INTS1: variants seen among roughly 807,000 people sequenced by gnomAD.
INTS1 encodes the protein integrator complex subunit 1.
Under a neutral mutation model 241.6 loss-of-function variants are expected in INTS1, and 137 were observed. The observed-to-expected ratio is 0.57, with a 90% confidence interval of 0.49 to 0.65. INTS1 has a LOEUF of 0.65. INTS1 is among the 30% of genes least tolerant of loss of function. The pLI is 0.00. For missense variants in INTS1, 3,073 were observed against 3,032.2 expected (o/e 1.01, Z -0.32); for synonymous variants, 1,692 against 1,337.8 (o/e 1.26, Z -5.78).
Position 1,503,178 on chromosome 7 carries a change from T to C in INTS1, c.72A>G (p.Pro24=), listed in dbSNP as rs3752715. ...TTGAGCCCAGAGCAATGAAGTCTCCTGGGGGAGGGTGCCCTGCAGAGAAAG... is the reference window on the plus strand; with the variant it reads ...TTGAGCCCAGAGCAATGAAGTCTCCCGGGGGAGGGTGCCCTGCAGAGAAAG... The part of the protein sequence containing the change: ...AAAKPSGHPP[P]GDFIALGSKG... The change falls in exon 3 of 48, where the codon CCA becomes CCG. Residue 24 remains proline (P), a synonymous_variant. Coordinates refer to ENST00000404767, the MANE Select transcript of INTS1 (RefSeq NM_001080453.3). The C allele has an allele frequency of 0.44, 679,767 of 1,533,910 alleles. 156,430 individuals are homozygous for C. The highest frequency in any genetic ancestry group is 0.72 in the East Asian group (31,647 of 44,012).
chr7:1,479,268 G>A (rs545454741), intron 31 of INTS1, among the ~76,000 whole-genome samples, 162 bp downstream of exon 31: 83 of 152,352 alleles, frequency 5.4e-4, no homozygotes, highest in Non-Finnish European at 1.1e-3. Flanking sequence ...ATGTTCACTG[G>A]AAAAAGGGGA....
In INTS1 at chr7:1,474,238, G is replaced by T. The variant is rs377362241; in HGVS notation, c.5759C>A (p.Pro1920Gln). ...CTGGTGCTCGCTGCGGAACACGTGCGGCTGCAGCAGCTCCAGCAGGCCCAG... is the reference window on the plus strand; with the variant it reads ...CTGGTGCTCGCTGCGGAACACGTGCTGCTGCAGCAGCTCCAGCAGGCCCAG... ...HVLGLLELLQ[P>Q]HVFRSEHQGA... Residue 1920 changes from proline (P) to glutamine (Q), a missense_variant, in exon 41 of 48, where the codon CCG (proline) becomes CAG (glutamine). Coordinates refer to ENST00000404767, the MANE Select transcript of INTS1 (RefSeq NM_001080453.3). 251 of 1,603,232 alleles carry T rather than the reference G, an allele frequency of 1.6e-4. No homozygotes were observed. The highest frequency in any genetic ancestry group is 2.1e-4 in the Non-Finnish European group (242 of 1,176,694).
In INTS1 at chr7:1,472,180, A is replaced by G. The variant is rs929953861; in HGVS notation, c.6184+93T>C. Reference sequence around the variant, plus strand: ...GCCCAGCGTGGGCCAGGCTCACGCCAAAGTCAGTGCCCAAATGGCTACTGG... The same window carrying G: ...GCCCAGCGTGGGCCAGGCTCACGCCGAAGTCAGTGCCCAAATGGCTACTGG... On this transcript the variant is annotated intron_variant, in intron 44 of 47. Coordinates refer to ENST00000404767, the MANE Select transcript of INTS1 (RefSeq NM_001080453.3). 1.9e-5 allele frequency: 19 copies of G among 974,446 alleles called. No homozygotes were observed. The Admixed American group carries it at 2.6e-4, about 13-fold the overall frequency. 60.4% of individuals were successfully genotyped at this position (974,446 alleles called of 1,614,324 possible).
intron 3 of INTS1, 29 bp from the exon 4 acceptor site, chr7:1,500,395 C>T (rs554333447): frequency 1.3e-5 from 20 of 1,523,122 alleles, no homozygotes; most frequent in South Asian, 3.6e-5. Flanking sequence ...ACGGTCAGAA[C>T]GGGGCCAGGG....
Position 1,497,405 on chromosome 7 carries a change from G to C in INTS1, c.1426-91C>G, listed in dbSNP as rs377475792. 1.1e-5 allele frequency: 15 copies of C among 1,369,444 alleles called. No individual in the cohort carries two copies. The highest frequency in any genetic ancestry group is 1.4e-5 in the South Asian group (1 of 69,894). 84.8% of individuals were successfully genotyped at this position (1,369,444 alleles called of 1,614,324 possible). A position where few individuals can be genotyped will look rare whatever the true frequency, so the allele number is the denominator to read the frequency against. ...CGCAGCACCAACAGGTATGGCGCCCGAGGGCGCTGCAGTGGGTCTCAGACA... is the reference window on the plus strand; with the variant it reads ...CGCAGCACCAACAGGTATGGCGCCCCAGGGCGCTGCAGTGGGTCTCAGACA... On this transcript the variant is annotated intron_variant, in intron 10 of 47. Transcript: ENST00000404767. This position sits in a 1 kb window ranked among gnomAD's most constrained non-coding sequence, Gnocchi z 5.3.
chr7:1,474,880 C>T, intron 39 of INTS1, 42 bp from the exon 40 acceptor site: 1 of 1,541,050 alleles, frequency 6.5e-7, no homozygotes, highest in Non-Finnish European at 8.8e-7. Context: ...GCTGGCTCCC[C>T]TCACTTGCCC....
At position 1,472,190 on chromosome 7, in the gene INTS1, C is replaced by A. The variant is rs569360683; in HGVS notation, c.6184+83G>T. On this transcript the variant is annotated intron_variant, in intron 44 of 47. Transcript: ENST00000404767. ...GGCCAGGCTCACGCCAAAGTCAGTGCCCAAATGGCTACTGGCTGCTGCCCG... is the reference window on the plus strand; with the variant it reads ...GGCCAGGCTCACGCCAAAGTCAGTGACCAAATGGCTACTGGCTGCTGCCCG... 1.6e-4 allele frequency: 167 copies of A among 1,068,012 alleles called. 4 individuals carry two copies. The South Asian group carries it at 2.2e-3, about 14-fold the overall frequency. The allele number at this position is 1,068,012 out of a possible 1,614,324, so 66.2% of individuals were successfully genotyped here.
intron 10 of INTS1, 160 bp downstream of exon 10, chr7:1,498,252 C>T (rs1448288440): frequency 2.6e-5 from 30 of 1,134,272 alleles, no homozygotes; most frequent in Non-Finnish European, 3.2e-5. Flanking sequence ...AACGGCTCAA[C>T]CTCATGCCCA....
Position 1,499,257 on chromosome 7 carries a change from G to C in INTS1, c.948C>G (p.Pro316=). 1 of 1,609,602 alleles carries C rather than the reference G, an allele frequency of 6.2e-7. No homozygotes were observed. The highest frequency in any genetic ancestry group is 8.5e-7 in the Non-Finnish European group (1 of 1,179,016). The change falls in exon 7 of 48, where the codon CCC becomes CCG. Residue 316 remains proline (P), a splice_region_variant and synonymous_variant. Transcript: ENST00000404767. The part of the protein sequence containing the change: ...LSPEQEGQLM[P]RYEELAESVE... Reference sequence around the variant, plus strand: ...GGACCGGGCAGGCACGCAGCTACCTGGGCATGAGCTGGCCCTCCTGCTCGG... The same window carrying C: ...GGACCGGGCAGGCACGCAGCTACCTCGGCATGAGCTGGCCCTCCTGCTCGG...
At chr7:1,502,499 G>A (rs1251053639) in intron 3 of INTS1, among the ~76,000 whole-genome samples, 1 of 152,164 alleles carries the variant, frequency 6.6e-6, no homozygotes, top group African/African-American at 2.4e-5. Context: ...AGGGAAGGAG[G>A]AACCAAGTAC....
intron 8 of INTS1, 28 bp downstream of exon 8, chr7:1,498,947 C>CCCCCCCCCCCCCCCCCGGGGG: frequency 7.5e-7 from 1 of 1,339,470 alleles, no homozygotes; most frequent in Non-Finnish European, 1.0e-6. Flanking sequence ...CCCCCTGCCC[C>CCCCCCCCCCCCCCCCCGGGGG]GCCCACCCCC....
chr7:1,503,940 G>C lies in INTS1; in HGVS notation c.21C>G (p.Thr7=), dbSNP rs778975028. 20 of 1,570,198 alleles carry C rather than the reference G, an allele frequency of 1.3e-5. No individual in the cohort carries two copies. Among genetic ancestry groups the C allele is most frequent in the Non-Finnish European group, 1.7e-5 (20 of 1,158,438 alleles). The change falls in exon 2 of 48, where the codon ACC becomes ACG. Residue 7 remains threonine, a synonymous_variant. Transcript: ENST00000404767. MNRAKP[T]TVRRPSAAAK... is the part of the protein sequence containing the mutation. The stretch of plus-strand genomic sequence containing the variant: ...CCGCGGCGCTGGGCCGGCGCACCGT[G>C]GTGGGCTTGGCCCGGTTCATCCTGC...
At chr7:1,483,356 G>C (rs1243081307) in intron 26 of INTS1, 1 of 355,190 alleles carries the variant, frequency 2.8e-6, no homozygotes, top group African/African-American at 2.1e-5. Flanking sequence ...GGGCCCCGGG[G>C]AGAGGACCCA....
intron 39 of INTS1, among the ~76,000 whole-genome samples, chr7:1,475,320 G>A (rs1781660832): frequency 6.6e-6 from 1 of 152,246 alleles, no homozygotes; most frequent in East Asian, 1.9e-4. Context: ...AGGGGGTTGA[G>A]GCTGCAGTGA....
Position 1,473,573 on chromosome 7 carries a change from G to C in INTS1, c.5950C>G (p.Pro1984Ala). The part of the protein sequence containing the change: ...AISFLQKHAD[P>A]LHDLSFDNSD... ...CAGCCCGTGGGCACTCACTGGAGCG[G>C]GTCGGCGTGCTTCTGCAGGAAGGAG... is the stretch of plus-strand genomic sequence containing the variant. The change falls in exon 42 of 48, where the codon CCG (proline) becomes GCG (alanine). Residue 1984 changes from proline to alanine, a missense_variant. By Grantham distance (27) the Pro-to-Ala change is conservative (BLOSUM62 -1). Transcript: ENST00000404767. The C allele has an allele frequency of 6.3e-7, 1 of 1,593,102 alleles. No individual in the cohort carries two copies. The highest frequency in any genetic ancestry group is 8.5e-7 in the Non-Finnish European group (1 of 1,170,554).
At position 1,481,697 on chromosome 7, in the gene INTS1, C is replaced by T. The variant is rs1782007314; in HGVS notation, c.3704-209G>A. 6.7e-6 allele frequency among the ~76,000 whole-genome samples: 1 copy of T among 149,080 alleles called. No homozygotes were observed. The highest frequency in any genetic ancestry group is 6.7e-5 in the Admixed American group (1 of 15,000). On this transcript the variant is annotated intron_variant, in intron 27 of 47. Coordinates refer to ENST00000404767, the MANE Select transcript of INTS1 (RefSeq NM_001080453.3). This position sits in a 1 kb window ranked among gnomAD's most constrained non-coding sequence, Gnocchi z 6.8. ...CTGGGCCACGTGGGCTCGGTGACCC[C>T]ACCCAAGACCTGGGGCAGTGCACAC...
At chr7:1,476,513 C>T (rs1266743143) in intron 37 of INTS1, 57 bp downstream of exon 37, 1 of 1,602,848 alleles carries the variant, frequency 6.2e-7, no homozygotes, top group Non-Finnish European at 8.5e-7. Context: ...GATGGGCCAC[C>T]CCCTCTCCCG....
chr7:1,498,439 C>T lies in INTS1; in HGVS notation c.1398G>A (p.Leu466=), dbSNP rs1483968330. The T allele has an allele frequency of 5.0e-6, 8 of 1,613,754 alleles. No homozygotes were observed. Among genetic ancestry groups the T allele is most frequent in the Non-Finnish European group, 6.8e-6 (8 of 1,179,876 alleles). Residue 466 remains leucine (L), a synonymous_variant, in exon 10 of 48, where the codon CTG becomes CTA. Coordinates refer to ENST00000404767, the MANE Select transcript of INTS1 (RefSeq NM_001080453.3). The part of the protein sequence containing the change: ...PNNMQVLYTA[L]QHSSELAPKF... ...TGGGCGCCAGCTCTGAGCTGTGCTG[C>T]AGTGCGGTATAGAGGACCTGCATGT... is the stretch of plus-strand genomic sequence containing the variant.
chr7:1,471,367 GC>G, intron 45 of INTS1, 143 bp from the exon 46 acceptor site: 1 of 1,017,126 alleles, frequency 9.8e-7, no homozygotes. Context: ...CGTGCCACTG[GC>G]CGGTCCCAGC....
Sources: gnomAD v4.1 joint callset for allele counts (sites outside exome capture counted in the v4.1 genomes callset) on GRCh38, gnomAD v4.1.1 for gene constraint, Gnocchi (gnomAD v3.1) non-coding constraint, MANE v1.5 for transcripts, NCBI Gene and HGNC (gene_info 2026-07-23, HGNC 2026-07-21) for gene names.